The following SRRM3 variants were observed in gnomAD, a reference collection of about 807,000 sequenced individuals.
SRRM3 encodes serine/arginine repetitive matrix protein 3.
A neutral mutation model predicts 66.2 loss-of-function variants in SRRM3; 27 were observed. The observed-to-expected ratio is 0.41, with a 90% CI of 0.30 to 0.56. The LOEUF is 0.56. SRRM3 is among the 20% of genes least tolerant of loss of function. The pLI, the probability that SRRM3 is intolerant of heterozygous loss-of-function variation, is 0.32. For missense variants in SRRM3, 918 were observed against 991.9 expected (o/e 0.93, Z 1.00); for synonymous variants, 391 against 414.9 (o/e 0.94, Z 0.70).
intron 2 of SRRM3, among the ~76,000 whole-genome samples, chr7:76,236,309 CA>C (rs34308296): frequency 1.2e-3 from 136 of 113,314 alleles, no homozygotes; most frequent in East Asian, 5.4e-3. Flanking sequence ...AACTCCGTCT[CA>C]AAAAAAAAAA....
intron 11 of SRRM3, among the ~76,000 whole-genome samples, chr7:76,274,699 G>T (rs1802297817): frequency 6.6e-6 from 1 of 152,200 alleles, no homozygotes; most frequent in South Asian, 2.1e-4. Context: ...CCAGCCCAGG[G>T]CTCATCCAGC....
intron 2 of SRRM3, among the ~76,000 whole-genome samples, chr7:76,235,563 C>T (rs1554604777): frequency 6.6e-6 from 1 of 152,122 alleles, no homozygotes; most frequent in Non-Finnish European, 1.5e-5. Context: ...AAAGTAATCA[C>T]GGTTTTTGCC....
At chr7:76,259,104 G>C (rs138883436) in intron 3 of SRRM3, among the ~76,000 whole-genome samples, 1 of 151,180 alleles carries the variant, frequency 6.6e-6, no homozygotes, top group Non-Finnish European at 1.5e-5. Context: ...GAAAAGAAAA[G>C]AGAAATTAGG....
chr7:76,281,346 C>T, intron 11 of SRRM3, 95 bp from the exon 12 acceptor site: 2 of 914,012 alleles, frequency 2.2e-6, no homozygotes, highest in Non-Finnish European at 2.8e-6. Flanking sequence ...CTTTCAATCT[C>T]TCTCTCCCGT....
At chr7:76,231,133 G>A (rs1801005592) in intron 1 of SRRM3, among the ~76,000 whole-genome samples, 1 of 152,098 alleles carries the variant, frequency 6.6e-6, no homozygotes, top group Non-Finnish European at 1.5e-5. Context: ...CCCCTGGTCT[G>A]CTGGCCCAGC....
At position 76,285,021 on chromosome 7, in the gene SRRM3, C is replaced by G. The variant is rs1431446498; in HGVS notation, c.1734-594C>G. Among the ~76,000 whole-genome samples the G allele has an allele frequency of 6.6e-6, 1 of 152,142 alleles. No individual in the cohort carries two copies. The highest frequency in any genetic ancestry group is 1.5e-5 in the Non-Finnish European group (1 of 68,026). ...GTAGTCACAGACACTTACACGCCAG[C>G]TTGGGTGATGGGAGCTGTCCACATT... On this transcript the variant is annotated intron_variant, in intron 14 of 14. Coordinates refer to ENST00000611745, the MANE Select transcript of SRRM3 (RefSeq NM_001110199.3). This position sits in a 1 kb window ranked among gnomAD's most constrained non-coding sequence, Gnocchi z 4.1.
chr7:76,234,265 T>G (rs191281985), intron 1 of SRRM3, among the ~76,000 whole-genome samples: 1 of 151,696 alleles, frequency 6.6e-6, no homozygotes, highest in East Asian at 1.9e-4. Context: ...TCAGGGATTC[T>G]TAGCTCCAAG....
intron 1 of SRRM3, among the ~76,000 whole-genome samples, chr7:76,213,737 G>GT (rs1800492716): frequency 6.6e-6 from 1 of 152,048 alleles, no homozygotes; most frequent in Admixed American, 6.6e-5. Flanking sequence ...GGGAAGTGGT[G>GT]GCAGAGGCTC....
intron 5 of SRRM3, 81 bp downstream of exon 5, chr7:76,260,278 A>G (rs1358562404): frequency 6.4e-6 from 7 of 1,087,110 alleles, no homozygotes; most frequent in Middle Eastern, 3.1e-4. Context: ...GCTCACAACC[A>G]TGCAGCATTT....
chr7:76,244,102 G>A (rs1032662879), intron 2 of SRRM3, among the ~76,000 whole-genome samples: 1 of 152,144 alleles, frequency 6.6e-6, no homozygotes, highest in Non-Finnish European at 1.5e-5. Context: ...ACGAGGGGAT[G>A]GGGGGTTAGA....
At chr7:76,251,141 C>T (rs542710772) in intron 3 of SRRM3, among the ~76,000 whole-genome samples, 2 of 152,142 alleles carry the variant, frequency 1.3e-5, no homozygotes, top group African/African-American at 2.4e-5. Context: ...CTGCCCATGG[C>T]GGTCAGCCCG....
At chr7:76,214,033 C>T (rs1800498899) in intron 1 of SRRM3, among the ~76,000 whole-genome samples, 1 of 152,252 alleles carries the variant, frequency 6.6e-6, no homozygotes, top group South Asian at 2.1e-4. Context: ...CCACCTCAGC[C>T]TCCCAAAGTG....
At chr7:76,222,657 T>G (rs1011165655) in intron 1 of SRRM3, among the ~76,000 whole-genome samples, 2 of 152,032 alleles carry the variant, frequency 1.3e-5, no homozygotes, top group Admixed American at 6.6e-5. Flanking sequence ...AGTCTCCCTC[T>G]GTCTCTCAGG....
intron 1 of SRRM3, among the ~76,000 whole-genome samples, chr7:76,203,692 G>A (rs183463781): frequency 9.9e-4 from 151 of 152,188 alleles, no homozygotes; most frequent in African/African-American, 3.4e-3. Flanking sequence ...AGCTTCATGA[G>A]GAAGGCATCA....
chr7:76,275,964 C>T (rs1802338595), intron 11 of SRRM3, among the ~76,000 whole-genome samples: 1 of 152,006 alleles, frequency 6.6e-6, no homozygotes, highest in Admixed American at 6.6e-5. Context: ...CCTGTAGACC[C>T]AGCTACTGAG....
intron 2 of SRRM3, among the ~76,000 whole-genome samples, chr7:76,238,879 C>G (rs1047368832): frequency 6.6e-6 from 1 of 151,790 alleles, no homozygotes; most frequent in Non-Finnish European, 1.5e-5. Context: ...CCAGGCTGGT[C>G]TTGAACTCCT....
At chr7:76,227,209 G>C (rs1032280043) in intron 1 of SRRM3, among the ~76,000 whole-genome samples, 2 of 151,592 alleles carry the variant, frequency 1.3e-5, no homozygotes, top group Non-Finnish European at 2.9e-5. Flanking sequence ...ATCAGTGGTA[G>C]GGTAAAGACT....
At chr7:76,233,878 G>A (rs1282879452) in intron 1 of SRRM3, among the ~76,000 whole-genome samples, 1 of 152,176 alleles carries the variant, frequency 6.6e-6, no homozygotes, top group Non-Finnish European at 1.5e-5. Flanking sequence ...AGAGCCTCCT[G>A]TAGCTGTCAC....
At chr7:76,260,965 C>T in intron 6 of SRRM3, 62 bp downstream of exon 6, 3 of 1,517,126 alleles carry the variant, frequency 2.0e-6, no homozygotes, top group Non-Finnish European at 2.7e-6. Context: ...GGAGAGATTC[C>T]AAGGCCATCC....
Sources: allele counts gnomAD v4.1 joint callset (sites outside exome capture counted in the v4.1 genomes callset), GRCh38; gene constraint gnomAD v4.1.1; non-coding constraint Gnocchi (gnomAD v3.1); transcripts MANE v1.5; gene names NCBI Gene and HGNC (gene_info 2026-07-23, HGNC 2026-07-21).